Variants in HIVEP1 observed in about 807,000 individuals in gnomAD.
The protein encoded by HIVEP1 is zinc finger protein 40.
HIVEP1 carries 36 observed loss-of-function variants against 180.0 expected under a neutral mutation model. That is an observed-to-expected ratio of 0.20 (90% CI 0.15 to 0.26). HIVEP1 has a LOEUF of 0.26. Ranked by LOEUF, HIVEP1 falls within the 10% of genes least tolerant of loss-of-function variation. The pLI, the probability that HIVEP1 is intolerant of heterozygous loss-of-function variation, is 1.00. For missense variants in HIVEP1, 3,143 were observed against 3,268.7 expected (o/e 0.96, Z 0.94); for synonymous variants, 1,239 against 1,239.0 (o/e 1.00, Z 0.00).
chr6:12,067,141 G>A (rs925900991), intron 2 of HIVEP1, among the ~76,000 whole-genome samples: 1 of 152,076 alleles, frequency 6.6e-6, no homozygotes, highest in African/African-American at 2.4e-5. Context: ...TAGTGTTAGG[G>A]ATAGGGTTAG....
chr6:12,023,074 C>T (rs1033149282), intron 2 of HIVEP1, among the ~76,000 whole-genome samples: 3 of 152,160 alleles, frequency 2.0e-5, no homozygotes, highest in Non-Finnish European at 4.4e-5. Context: ...TCACAGATCA[C>T]GCGGGATTGA....
intron 3 of HIVEP1, among the ~76,000 whole-genome samples, chr6:12,108,378 C>T (rs992498868): frequency 1.3e-5 from 2 of 152,260 alleles, no homozygotes; most frequent in African/African-American, 4.8e-5. Context: ...CAGTCCCGTG[C>T]ACTGCGCCCG....
At chr6:12,110,730 G>C (rs1355370099) in intron 3 of HIVEP1, among the ~76,000 whole-genome samples, 1 of 152,162 alleles carries the variant, frequency 6.6e-6, no homozygotes, top group Non-Finnish European at 1.5e-5. Flanking sequence ...TTGTCGTTCA[G>C]GTGTTTCCTG....
the HIVEP1 span, among the ~76,000 whole-genome samples, chr6:12,174,396 A>T: frequency 6.6e-6 from 1 of 152,182 alleles, no homozygotes; most frequent in Admixed American, 6.5e-5. Context: ...TGATGAAAGC[A>T]TTAAGCTCTG....
intron 7 of HIVEP1, among the ~76,000 whole-genome samples, chr6:12,144,909 T>C (rs943620825): frequency 2.0e-5 from 3 of 152,244 alleles, no homozygotes; most frequent in Non-Finnish European, 2.9e-5. Context: ...GGAACGCTTT[T>C]ACACTATTGG....
intron 3 of HIVEP1, among the ~76,000 whole-genome samples, chr6:12,115,794 C>G (rs1775178194): frequency 6.6e-6 from 1 of 151,864 alleles, no homozygotes; most frequent in Admixed American, 6.6e-5. Flanking sequence ...GACAACATTT[C>G]TGGAATCAGG....
chr6:12,131,598 T>G (rs1758419848), intron 6 of HIVEP1, among the ~76,000 whole-genome samples: 1 of 151,804 alleles, frequency 6.6e-6, no homozygotes. Flanking sequence ...AATTTTGCCC[T>G]GTACAAGTTT....
chr6:12,125,959 ATTT>A, intron 4 of HIVEP1, 89 bp downstream of exon 4: 1 of 759,058 alleles, frequency 1.3e-6, no homozygotes, highest in Non-Finnish European at 2.1e-6. Flanking sequence ...AACTGGAAAT[ATTT>A]TAATTTTGAG....
intron 2 of HIVEP1, among the ~76,000 whole-genome samples, chr6:12,056,248 G>T (rs1324995355): frequency 6.6e-6 from 1 of 152,130 alleles, no homozygotes; most frequent in African/African-American, 2.4e-5. Flanking sequence ...GGCAATGTGA[G>T]GTTTGAAGAT....
intron 7 of HIVEP1, among the ~76,000 whole-genome samples, chr6:12,144,261 C>G (rs1759228258): frequency 2.6e-5 from 4 of 152,028 alleles, no homozygotes; most frequent in Non-Finnish European, 5.9e-5. Flanking sequence ...ACAAATCTAA[C>G]AAAAACAAGA....
rs1466309321 is a variant in HIVEP1, at chr6:12,125,847, A to C, written c.6052A>C (p.Lys2018Gln). 1 of 1,603,900 alleles carries C rather than the reference A, an allele frequency of 6.2e-7. No homozygotes were observed. The highest frequency in any genetic ancestry group is 1.7e-5 in the Admixed American group (1 of 58,586). ...GTCAGACTTATTGGTCTATTCAAGC[A>C]AGTGGAAAAGCAGCTTAAGCAAGGT... ...SKSDLLVYSS[K>Q]WKSSLSKRAL... The change falls in exon 4 of 9, where the codon AAG becomes CAG. Residue 2018 changes from lysine to glutamine, a missense_variant. This residue lies in a region of HIVEP1 where 1,357 missense variants were observed against 1,260.5 expected (regional missense o/e 1.08). Transcript: ENST00000379388.
At chr6:12,188,613 A>G in the HIVEP1 span, among the ~76,000 whole-genome samples, 1 of 152,116 alleles carries the variant, frequency 6.6e-6, no homozygotes, top group Non-Finnish European at 1.5e-5. Context: ...GACACCACTT[A>G]TAATAGCTAT....
intron 3 of HIVEP1, among the ~76,000 whole-genome samples, chr6:12,104,425 C>CTTTTTTTTTTTTTTT (rs70981665): frequency 1.5e-4 from 11 of 72,778 alleles, no homozygotes; most frequent in Non-Finnish European, 2.7e-4. Context: ...CTTTTCTTTC[C>CTTTTTTTTTTTTTTT]TTTTTTTTTT....
intron 3 of HIVEP1, among the ~76,000 whole-genome samples, chr6:12,119,122 G>T (rs1286038192): frequency 6.6e-6 from 1 of 152,184 alleles, no homozygotes; most frequent in Non-Finnish European, 1.5e-5. Context: ...AAGATTAATG[G>T]CAAGGCAGCC....
At chr6:12,111,090 T>C (rs1392134446) in intron 3 of HIVEP1, among the ~76,000 whole-genome samples, 2 of 152,180 alleles carry the variant, frequency 1.3e-5, no homozygotes, top group Non-Finnish European at 2.9e-5. Flanking sequence ...ATGGGCACAA[T>C]TAATGCAGCC....
At chr6:12,205,483 A>T in the HIVEP1 span, among the ~76,000 whole-genome samples, 1 of 151,922 alleles carries the variant, frequency 6.6e-6, no homozygotes, top group East Asian at 1.9e-4. Context: ...AAAAAAAAAA[A>T]ATTTGAACAA....
chr6:12,193,802 C>T, the HIVEP1 span, among the ~76,000 whole-genome samples: 2 of 152,114 alleles, frequency 1.3e-5, no homozygotes, highest in Non-Finnish European at 2.9e-5. Flanking sequence ...GAGAAAGAGA[C>T]GAAGCAAAAG....
the HIVEP1 span, among the ~76,000 whole-genome samples, chr6:12,198,315 G>C: frequency 6.6e-6 from 1 of 152,170 alleles, no homozygotes; most frequent in Non-Finnish European, 1.5e-5. Flanking sequence ...ATAGAAAAAA[G>C]TTCATTGTTG....
At chr6:12,174,244 CTT>C in the HIVEP1 span, among the ~76,000 whole-genome samples, 32 of 152,110 alleles carry the variant, frequency 2.1e-4, no homozygotes, top group East Asian at 6.0e-3. Flanking sequence ...GGGTTGGAAA[CTT>C]TTGAATTCAT....
Sources: gnomAD v4.1 joint callset for allele counts (sites outside exome capture counted in the v4.1 genomes callset) on GRCh38, gnomAD v4.1.1 for gene constraint, gnomAD v4.1.1 regional missense constraint, MANE v1.5 for transcripts, NCBI Gene and HGNC (gene_info 2026-07-23, HGNC 2026-07-21) for gene names.